Variants in AKAP3 observed in about 807,000 individuals in gnomAD.
AKAP3 encodes the protein A-kinase anchor protein 3.
Under a neutral mutation model 57.2 loss-of-function variants are expected in AKAP3, and 27 were observed. That is an observed-to-expected ratio of 0.47 (90% CI 0.35 to 0.65). The LOEUF (loss-of-function observed/expected upper bound fraction) is 0.65. AKAP3 is among the 30% of genes least tolerant of loss of function. The probability of loss-of-function intolerance (pLI) is 0.01; values close to 1 mark genes in which losing one functional copy is unlikely to be tolerated. For synonymous variants in AKAP3, 334 were observed against 392.3 expected (o/e 0.85, Z 1.76); for missense variants, 959 against 1,040.0 (o/e 0.92, Z 1.07).
rs922476802 is a variant in AKAP3 at position 4,625,725 on chromosome 12, G to C, written c.2406+771C>G. ...AGAGAGAGAGAGAGAGAGCAAGCGA[G>C]CGAGAAGGCAGAGAGGAGAGAGAAG... On this transcript the variant is annotated intron_variant, in intron 5 of 5. Coordinates refer to ENST00000228850, the MANE Select transcript of AKAP3 (RefSeq NM_001278309.2). The surrounding 1 kb of genome is among the most constrained non-coding windows in gnomAD (Gnocchi z 5.4). 6.6e-6 allele frequency among the ~76,000 whole-genome samples: 1 copy of C among 151,618 alleles called. No individual in the cohort carries two copies. Among genetic ancestry groups the C allele is most frequent in the African/African-American group, 2.4e-5 (1 of 41,050 alleles).
intron 5 of AKAP3, among the ~76,000 whole-genome samples, chr12:4,620,482 A>AG (rs1945333932): frequency 6.6e-6 from 1 of 151,296 alleles, no homozygotes; most frequent in African/African-American, 2.4e-5. Flanking sequence ...CTCAAAAAAA[A>AG]AAAAAAAAAA....
chr12:4,627,361 T>C lies in AKAP3; in HGVS notation c.1541A>G (p.Glu514Gly). The change falls in exon 5 of 6, where the codon GAG (glutamate) becomes GGG (glycine). Residue 514 changes from glutamate (E) to glycine (G), a missense_variant. Glu to Gly is a moderately conservative substitution (Grantham distance 98). Coordinates refer to ENST00000228850, the MANE Select transcript of AKAP3 (RefSeq NM_001278309.2). ...GGAGTCTGAATCATACATAAAATTCTCAGGTTTCTCTGGAGGATATGGAGG... is the reference window on the plus strand; with the variant it reads ...GGAGTCTGAATCATACATAAAATTCCCAGGTTTCTCTGGAGGATATGGAGG... ...SLPPYPPEKP[E>G]NFMYDSDSWA... The C allele has an allele frequency of 6.2e-7, 1 of 1,614,126 alleles. No individual in the cohort carries two copies. Among genetic ancestry groups the C allele is most frequent in the South Asian group, 1.1e-5 (1 of 91,076 alleles).
intron 2 of AKAP3, among the ~76,000 whole-genome samples, chr12:4,644,380 A>G (rs1321438778): frequency 6.6e-6 from 1 of 152,198 alleles, no homozygotes; most frequent in African/African-American, 2.4e-5. Context: ...CTGGAAAGAA[A>G]ATAAATTTAG....
Position 4,615,592 on chromosome 12 carries a change from A to T in AKAP3, c.*147T>A, listed in dbSNP as rs1042669776. The T allele has an allele frequency of 3.8e-6, 4 of 1,048,750 alleles. No individual in the cohort carries two copies. In the African/African-American group the frequency reaches 6.5e-5, roughly 17 times the overall value. The allele number at this position is 1,048,750 out of a possible 1,614,324, so 65.0% of individuals were successfully genotyped here. On this transcript the variant is annotated 3_prime_UTR_variant, in exon 6 of 6. Transcript: ENST00000228850. ...ATCTGCAAAATCCAGTGGCTAGCAC[A>T]AGATGACATGTCTTTGATGAGAGTG...
chr12:4,626,767 T>C lies in AKAP3; in HGVS notation c.2135A>G (p.Asp712Gly). Reference protein sequence around the residue: ...DASRLTSAFPDSLYECLPAKG... With the variant: ...DASRLTSAFPGSLYECLPAKG... ...GGCTGGTAAGCACTCATATAAACTA[T>C]CTGGGAAGGCCGAAGTTAGCCTACT... The change falls in exon 5 of 6, where the codon GAT becomes GGT. Residue 712 changes from aspartate (D) to glycine (G), a missense_variant. By Grantham distance (94) the Asp-to-Gly change is moderately conservative. Coordinates refer to ENST00000228850, the MANE Select transcript of AKAP3 (RefSeq NM_001278309.2). The C allele has an allele frequency of 1.2e-6, 2 of 1,614,164 alleles. No homozygotes were observed. The highest frequency in any genetic ancestry group is 1.7e-6 in the Non-Finnish European group (2 of 1,180,016).
chr12:4,638,292 A>G, intron 3 of AKAP3, 96 bp from the exon 4 acceptor site: 1 of 843,954 alleles, frequency 1.2e-6, no homozygotes, highest in Non-Finnish European at 1.9e-6. Flanking sequence ...CACGGGAAAG[A>G]TGAACAATGC....
rs1236710877 is a variant in AKAP3, at chr12:4,626,575, A to G, written c.2327T>C (p.Val776Ala). The G allele has an allele frequency of 6.2e-7, 1 of 1,614,018 alleles. No homozygotes were observed. The highest frequency in any genetic ancestry group is 2.2e-5 in the East Asian group (1 of 44,888). Reference sequence around the variant, plus strand: ...CTCAGAGGCAGCTACCCATTGAAGGACGGCTTGGAGTTGCTTGTTCTGAAC... The same window carrying G: ...CTCAGAGGCAGCTACCCATTGAAGGGCGGCTTGGAGTTGCTTGTTCTGAAC... ...DTVQNKQLQA[V>A]LQWVAASELN... is the part of the protein sequence containing the mutation. Residue 776 changes from valine to alanine, a missense_variant, in exon 5 of 6, where the codon GTC (valine) becomes GCC (alanine). Physicochemically the swap from Val to Ala is moderately conservative, Grantham distance 64. Transcript: ENST00000228850.
chr12:4,617,234 T>C, intron 5 of AKAP3, among the ~76,000 whole-genome samples: 1 of 152,130 alleles, frequency 6.6e-6, no homozygotes, highest in East Asian at 1.9e-4. Context: ...CCAGCAGAAA[T>C]TATAACTCAA....
chr12:4,615,978 G>A (rs1945280715), intron 5 of AKAP3, 84 bp from the exon 6 acceptor site: 25 of 1,540,166 alleles, frequency 1.6e-5, no homozygotes, highest in South Asian at 8.4e-5. Context: ...GGAGCAGAGA[G>A]GCCAGGCAGA....
Position 4,626,931 on chromosome 12 carries a change from A to T in AKAP3, c.1971T>A (p.Ala657=). 1 of 1,614,024 alleles carries T rather than the reference A, an allele frequency of 6.2e-7. No individual in the cohort carries two copies. The highest frequency in any genetic ancestry group is 1.1e-5 in the South Asian group (1 of 91,092). The change falls in exon 5 of 6, where the codon GCT becomes GCA. Residue 657 remains alanine (A), a synonymous_variant. Coordinates refer to ENST00000228850, the MANE Select transcript of AKAP3 (RefSeq NM_001278309.2). ...PGALSGLTKM[A]VSQIDGHMSG... is the part of the protein sequence containing the mutation. ...TCATGTGGCCATCTATCTGGCTGACAGCCATCTTGGTCAGCCCAGAAAGGG... is the reference window on the plus strand; with the variant it reads ...TCATGTGGCCATCTATCTGGCTGACTGCCATCTTGGTCAGCCCAGAAAGGG...
At chr12:4,618,611 C>T (rs533453864) in intron 5 of AKAP3, among the ~76,000 whole-genome samples, 1 of 152,230 alleles carries the variant, frequency 6.6e-6, no homozygotes, top group South Asian at 2.1e-4. Flanking sequence ...GGCTATTTTG[C>T]TCATTGCATG....
intron 5 of AKAP3, among the ~76,000 whole-genome samples, chr12:4,624,090 A>C (rs930866556): frequency 6.6e-6 from 1 of 152,144 alleles, no homozygotes; most frequent in Non-Finnish European, 1.5e-5. Flanking sequence ...AAAATTATGT[A>C]TATTCAAGGA....
chr12:4,648,549 C>G (rs1945726898), intron 1 of AKAP3, 196 bp downstream of exon 1: 1 of 152,302 alleles, frequency 6.6e-6, no homozygotes, highest in South Asian at 2.1e-4. Flanking sequence ...TTCCAGGAAA[C>G]GCGAACAGCA....
chr12:4,623,624 G>GA (rs140278967), intron 5 of AKAP3, among the ~76,000 whole-genome samples: 2,860 of 151,802 alleles, frequency 0.019, 41 homozygotes, highest in Non-Finnish European at 0.029. Flanking sequence ...AAGACACTCA[G>GA]AAAAAAATAA....
chr12:4,631,828 C>T (rs1037369915), intron 4 of AKAP3, among the ~76,000 whole-genome samples: 1 of 151,404 alleles, frequency 6.6e-6, no homozygotes, highest in African/African-American at 2.4e-5. Flanking sequence ...ACAGCTATAC[C>T]TTTTCTTATT....
At chr12:4,631,096 G>C (rs952586761) in intron 4 of AKAP3, among the ~76,000 whole-genome samples, 1 of 152,128 alleles carries the variant, frequency 6.6e-6, no homozygotes, top group Admixed American at 6.5e-5. Context: ...GAAGTTTGCA[G>C]ACATTCGGTT....
At chr12:4,646,840 T>C (rs1156647302) in intron 1 of AKAP3, among the ~76,000 whole-genome samples, 1 of 152,038 alleles carries the variant, frequency 6.6e-6, no homozygotes, top group East Asian at 1.9e-4. Flanking sequence ...TGGAGTACAG[T>C]GGCACGATCT....
chr12:4,624,118 C>A (rs1945378971), intron 5 of AKAP3, among the ~76,000 whole-genome samples: 1 of 152,002 alleles, frequency 6.6e-6, no homozygotes, highest in African/African-American at 2.4e-5. Flanking sequence ...TGTAGCATTG[C>A]TTACAGTGCA....
intron 4 of AKAP3, 24 bp downstream of exon 4, chr12:4,638,077 G>T: frequency 6.4e-7 from 1 of 1,553,350 alleles, no homozygotes; most frequent in Non-Finnish European, 8.9e-7. Context: ...TTAACCTAGT[G>T]TTTATCAAGA....
Sources: allele counts gnomAD v4.1 joint callset (sites outside exome capture counted in the v4.1 genomes callset), GRCh38; gene constraint gnomAD v4.1.1; non-coding constraint Gnocchi (gnomAD v3.1); transcripts MANE v1.5; gene names NCBI Gene and HGNC (gene_info 2026-07-23, HGNC 2026-07-21).